Variants in EHBP1 observed in about 807,000 individuals in gnomAD.
EHBP1 encodes the protein EH domain-binding protein 1.
In EHBP1, 55 loss-of-function variants were observed where a neutral mutation model predicts 144.0. The observed-to-expected ratio is 0.38, with a 90% CI of 0.31 to 0.48. EHBP1 has a LOEUF of 0.48. EHBP1 is among the 20% of genes least tolerant of loss of function. EHBP1 has a pLI of 0.98. For missense variants in EHBP1, 1,200 were observed against 1,364.2 expected (o/e 0.88, Z 1.90); for synonymous variants, 469 against 472.7 (o/e 0.99, Z 0.10).
chr2:62,719,317 A>T (rs2035983460), intron 2 of EHBP1, among the ~76,000 whole-genome samples: 1 of 152,116 alleles, frequency 6.6e-6, no homozygotes, highest in Admixed American at 6.5e-5. Context: ...TACTTGCATT[A>T]TAATTGTACT....
chr2:62,921,010 G>A (rs1404974724), intron 10 of EHBP1, among the ~76,000 whole-genome samples: 1 of 152,078 alleles, frequency 6.6e-6, no homozygotes, highest in African/African-American at 2.4e-5. Context: ...AATTCTGTTT[G>A]GATAAACAGT....
At chr2:62,785,404 G>GA (rs1558665618) in intron 5 of EHBP1, among the ~76,000 whole-genome samples, 1 of 152,214 alleles carries the variant, frequency 6.6e-6, no homozygotes. Context: ...TGCAGACAGA[G>GA]AAGAGGCGAA....
intron 5 of EHBP1, among the ~76,000 whole-genome samples, chr2:62,802,240 C>T (rs1475606530): frequency 3.9e-5 from 6 of 151,988 alleles, no homozygotes; most frequent in Non-Finnish European, 7.4e-5. Context: ...CATTTTTTTC[C>T]CCGGGGGAAT....
intron 2 of EHBP1, among the ~76,000 whole-genome samples, chr2:62,724,393 A>G (rs1405913960): frequency 6.6e-6 from 1 of 152,074 alleles, no homozygotes; most frequent in Non-Finnish European, 1.5e-5. Context: ...TGTGATTCTT[A>G]GCTTCCTTGG....
intron 19 of EHBP1, among the ~76,000 whole-genome samples, chr2:63,021,591 C>T (rs1213316402): frequency 6.6e-6 from 1 of 152,160 alleles, no homozygotes; most frequent in Non-Finnish European, 1.5e-5. Flanking sequence ...CTGTTTCATC[C>T]TGACTTCATC....
At chr2:63,005,839 G>A (rs1403897348) in intron 19 of EHBP1, among the ~76,000 whole-genome samples, 1 of 151,876 alleles carries the variant, frequency 6.6e-6, no homozygotes, top group East Asian at 1.9e-4. Context: ...AAACCATATA[G>A]CAAACCATCT....
At chr2:62,998,652 T>C (rs111455015) in intron 19 of EHBP1, among the ~76,000 whole-genome samples, 126 of 152,266 alleles carry the variant, frequency 8.3e-4, no homozygotes, top group African/African-American at 2.8e-3. Context: ...ACCCAACATA[T>C]CACTAGTCAA....
At chr2:62,835,140 T>C (rs2047112240) in intron 7 of EHBP1, among the ~76,000 whole-genome samples, 1 of 152,216 alleles carries the variant, frequency 6.6e-6, no homozygotes, top group Non-Finnish European at 1.5e-5. Context: ...TTGGCATATT[T>C]GTCACTTGAT....
chr2:62,852,848 C>T (rs17027429), intron 7 of EHBP1, among the ~76,000 whole-genome samples: 95,674 of 151,928 alleles, frequency 0.63, 30,269 homozygotes, highest in South Asian at 0.69. Flanking sequence ...GAGAAATTAG[C>T]TAGGTTACCT....
Position 62,844,434 on chromosome 2 carries a change from A to T in EHBP1, c.634+13276A>T, listed in dbSNP as rs560866259. Reference sequence around the variant, plus strand: ...GGAGAATTTTGAATTACAGTTGGAAAAATCACTGAAATGTAGCAGGAGTGA... The same window carrying T: ...GGAGAATTTTGAATTACAGTTGGAATAATCACTGAAATGTAGCAGGAGTGA... On this transcript the variant is annotated intron_variant, in intron 7 of 22. Coordinates refer to ENST00000431489, the MANE Select transcript of EHBP1 (RefSeq NM_001142616.3). Among the ~76,000 whole-genome samples, 11 of 152,312 alleles carry T rather than the reference A, an allele frequency of 7.2e-5. No individual in the cohort carries two copies. In the South Asian group the frequency reaches 2.3e-3, roughly 32 times the overall value.
chr2:62,958,118 T>TGAGAATACAGGAATGTAATAC (rs2057808598), intron 14 of EHBP1, among the ~76,000 whole-genome samples: 1 of 152,092 alleles, frequency 6.6e-6, no homozygotes, highest in Admixed American at 6.5e-5. Flanking sequence ...ATTTTGCCAG[T>TGAGAATACAGGAATGTAATAC]AGGAATGTAA....
intron 6 of EHBP1, 99 bp downstream of exon 6, chr2:62,826,367 A>G (rs2046346945): frequency 1.8e-6 from 2 of 1,121,032 alleles, no homozygotes; most frequent in Non-Finnish European, 2.4e-6. Context: ...CTTACAGCAT[A>G]CCAATCATTT....
intron 15 of EHBP1, among the ~76,000 whole-genome samples, chr2:62,982,174 C>G (rs892672437): frequency 1.3e-5 from 2 of 152,142 alleles, no homozygotes; most frequent in Non-Finnish European, 2.9e-5. Context: ...TCTTGAAATT[C>G]AATGATTCAT....
At chr2:63,004,289 A>C (rs1356081885) in intron 19 of EHBP1, among the ~76,000 whole-genome samples, 5 of 152,058 alleles carry the variant, frequency 3.3e-5, no homozygotes, top group Non-Finnish European at 7.4e-5. Flanking sequence ...TGGCTCATAA[A>C]AATTTTGTTA....
chr2:62,899,351 G>T lies in EHBP1; in HGVS notation c.1185+24819G>T, dbSNP rs548021284. On this transcript the variant is annotated intron_variant, in intron 10 of 22. Transcript: ENST00000431489. ...ATAAAGCTGGCTTCAAGTGTCTCAA[G>T]GTACAAGACATATTTTAATAGAGAA... is the stretch of plus-strand genomic sequence containing the variant. 5.9e-5 allele frequency among the ~76,000 whole-genome samples: 9 copies of T among 152,234 alleles called. No individual in the cohort carries two copies. The East Asian group carries it at 1.7e-3, about 29-fold the overall frequency.
intron 3 of EHBP1, among the ~76,000 whole-genome samples, chr2:62,749,802 T>G (rs936199237): frequency 1.2e-4 from 19 of 152,240 alleles, no homozygotes; most frequent in Non-Finnish European, 2.6e-4. Context: ...TGTCTGTTCA[T>G]ATCCTTTGCC....
chr2:62,809,829 T>TC (rs1369007625), intron 5 of EHBP1, among the ~76,000 whole-genome samples: 8 of 152,186 alleles, frequency 5.3e-5, no homozygotes, highest in Admixed American at 3.3e-4. Flanking sequence ...ACACCTAGCC[T>TC]CTACAAAATA....
chr2:62,704,948 G>C (rs1257777851), upstream of EHBP1, among the ~76,000 whole-genome samples: 3 of 152,186 alleles, frequency 2.0e-5, no homozygotes, highest in Non-Finnish European at 4.4e-5. Flanking sequence ...TTCTCACTAG[G>C]GGCAAAAGAG....
Position 62,781,263 on chromosome 2 carries a change from T to A in EHBP1, c.312+9871T>A, listed in dbSNP as rs142830633. 7.6e-4 allele frequency among the ~76,000 whole-genome samples: 116 copies of A among 152,186 alleles called. 1 individual carries two copies. The East Asian group carries it at 0.014, about 18-fold the overall frequency. On this transcript the variant is annotated intron_variant, in intron 5 of 22. Coordinates refer to ENST00000431489, the MANE Select transcript of EHBP1 (RefSeq NM_001142616.3). ...TAAATTGAAACCCTAAAAAGTAAAGTTTTTACAATCCTTTTTCTGTAACTT... is the reference window on the plus strand; with the variant it reads ...TAAATTGAAACCCTAAAAAGTAAAGATTTTACAATCCTTTTTCTGTAACTT...
Sources: allele counts gnomAD v4.1 joint callset (sites outside exome capture counted in the v4.1 genomes callset), GRCh38; gene constraint gnomAD v4.1.1; transcripts MANE v1.5; gene names NCBI Gene and HGNC (gene_info 2026-07-23, HGNC 2026-07-21).